Variants in DDB1 observed in about 807,000 individuals in gnomAD.
The protein encoded by DDB1 is DNA damage-binding protein 1.
In DDB1, 18 loss-of-function variants were observed where a neutral mutation model predicts 133.1. That is an observed-to-expected ratio of 0.14 (90% CI 0.09 to 0.20). The LOEUF is 0.20. DDB1 is among the 10% of genes least tolerant of loss of function. The probability of loss-of-function intolerance (pLI) is 1.00; values close to 1 mark genes in which losing one functional copy is unlikely to be tolerated. For synonymous variants in DDB1, 580 were observed against 550.5 expected (o/e 1.05, Z -0.75); for missense variants, 828 against 1,459.2 (o/e 0.57, Z 7.05).
At chr11:61,304,796 C>T (rs769010339) in intron 21 of DDB1, among the ~76,000 whole-genome samples, 14 of 149,270 alleles carry the variant, frequency 9.4e-5, no homozygotes, top group Non-Finnish European at 1.6e-4. Context: ...GAGAATGGTG[C>T]GAATCTGGGA....
chr11:61,309,666 G>A, intron 20 of DDB1, 130 bp downstream of exon 20: 1 of 907,976 alleles, frequency 1.1e-6, no homozygotes, highest in Non-Finnish European at 1.7e-6. Flanking sequence ...ATAAAGAAGA[G>A]AATAGCTCTT....
At chr11:61,320,766 T>C (rs1251638604) in intron 10 of DDB1, among the ~76,000 whole-genome samples, 2 of 152,248 alleles carry the variant, frequency 1.3e-5, no homozygotes, top group African/African-American at 2.4e-5. Context: ...AATCTGATTA[T>C]GCTGTCCTCA....
rs767547959 is a variant in DDB1 at position 61,321,683 on chromosome 11, A to G, written c.1137T>C (p.Ser379=). 6.2e-7 allele frequency: 1 copy of G among 1,614,226 alleles called. No individual in the cohort carries two copies. Among genetic ancestry groups the G allele is most frequent in the South Asian group, 1.1e-5 (1 of 91,088 alleles). The change falls in exon 10 of 27, where the codon TCT becomes TCC. Residue 379 remains serine (S), a synonymous_variant. Transcript: ENST00000301764. Reference sequence around the variant, plus strand: ...GCAAAGAACCTTCCTTGAAAGCCCCAGAGCAAGTGACCAGCTGCAAGCAGA... The same window carrying G: ...GCAAAGAACCTTCCTTGAAAGCCCCGGAGCAAGTGACCAGCTGCAAGCAGA... ...RQGQGQLVTC[S]GAFKEGSLRI... is the part of the protein sequence containing the mutation.
chr11:61,322,375 A>AC lies in DDB1; in HGVS notation c.1042dup (p.Val348GlyfsTer56), dbSNP rs1262450439. On this transcript the variant is annotated frameshift_variant, in exon 9 of 27. Transcript: ENST00000301764. LOFTEE classifies it high-confidence loss of function. ...TAAGTTGGTAAAGGTTTCCATGGCC[A>AC]CTACATAGGAGCCTTGTTCATTACT... 6.2e-7 allele frequency: 1 copy of AC among 1,614,202 alleles called. No homozygotes were observed. Among genetic ancestry groups the AC allele is most frequent in the East Asian group, 2.2e-5 (1 of 44,892 alleles).
intron 24 of DDB1, 97 bp from the exon 25 acceptor site, chr11:61,302,456 G>T: frequency 6.4e-7 from 1 of 1,560,156 alleles, no homozygotes; most frequent in Non-Finnish European, 8.8e-7. Context: ...CTCAGGGAGG[G>T]CTAATGTGCT....
rs756089166 is a variant in DDB1 at position 61,302,375 on chromosome 11, AGGCAGT to A, written c.3113-22_3113-17del. On this transcript the variant is annotated splice_polypyrimidine_tract_variant and intron_variant, in intron 24 of 26. Coordinates refer to ENST00000301764, the MANE Select transcript of DDB1 (RefSeq NM_001923.5). The stretch of plus-strand genomic sequence containing the variant: ...GTCACCAGCCCTGAAGAAGTGAAGG[AGGCAGT>A]GAGCTGCAGAGAGCTCAACCCCACA... 7.7e-4 allele frequency: 1,239 copies of A among 1,613,038 alleles called. No individual in the cohort carries two copies. The highest frequency in any genetic ancestry group is 9.2e-4 in the Non-Finnish European group (1,090 of 1,178,998).
intron 3 of DDB1, 25 bp from the exon 4 acceptor site, chr11:61,329,609 G>T (rs746997189): frequency 1.3e-6 from 2 of 1,580,350 alleles, no homozygotes; most frequent in East Asian, 4.6e-5. Context: ...CGGGATTAGG[G>T]AAGAACCTCA....
intron 26 of DDB1, 145 bp from the exon 27 acceptor site, chr11:61,300,364 CT>C (rs1219553406): frequency 1.3e-6 from 1 of 784,292 alleles, no homozygotes; most frequent in African/African-American, 1.7e-5. Flanking sequence ...ACGCCTCCCC[CT>C]GGGTGGCACA....
At chr11:61,316,459 A>C (rs1282034000) in intron 11 of DDB1, 33 bp downstream of exon 11, 3 of 1,614,070 alleles carry the variant, frequency 1.9e-6, no homozygotes, top group South Asian at 2.2e-5. Flanking sequence ...CCTTCTCACC[A>C]GCACCTACAG....
chr11:61,307,912 T>A (rs1855902965), intron 21 of DDB1, among the ~76,000 whole-genome samples: 1 of 152,130 alleles, frequency 6.6e-6, no homozygotes, highest in African/African-American at 2.4e-5. Context: ...GTGACTACTC[T>A]TATTCCTCTC....
In DDB1 at chr11:61,323,844, T is replaced by G. The variant is rs965735476; in HGVS notation, c.921+135A>C. ...ATACCTAACTCATTCAACAGTCAAC[T>G]TCCACAGCAGGAACAACAGTTTGTT... On this transcript the variant is annotated intron_variant, in intron 7 of 26. Transcript: ENST00000301764. 1.9e-5 allele frequency: 18 copies of G among 972,170 alleles called. No homozygotes were observed. In the Admixed American group the frequency reaches 3.4e-4, roughly 19 times the overall value. The allele number at this position is 972,170 out of a possible 1,614,324, so 60.2% of individuals were successfully genotyped here.
intron 1 of DDB1, chr11:61,332,439 A>C (rs890558621): frequency 6.5e-6 from 1 of 154,518 alleles, no homozygotes; most frequent in African/African-American, 2.4e-5. Flanking sequence ...AGCCCCAGGC[A>C]AAGGGGTTAG....
intron 22 of DDB1, 44 bp from the exon 23 acceptor site, chr11:61,303,199 T>A (rs772912137): frequency 2.5e-5 from 40 of 1,573,430 alleles, no homozygotes; most frequent in Non-Finnish European, 3.4e-5. Flanking sequence ...ATCAGCAGTT[T>A]GCACGGAATC....
chr11:61,302,556 G>A (rs766393932), intron 24 of DDB1, 26 bp downstream of exon 24: 40 of 1,612,964 alleles, frequency 2.5e-5, no homozygotes, highest in Admixed American at 1.0e-4. Flanking sequence ...CCTGTGTGGG[G>A]GTGTGCCCCA....
chr11:61,302,432 G>A (rs1855813238), intron 24 of DDB1, 73 bp from the exon 25 acceptor site: 2 of 1,578,256 alleles, frequency 1.3e-6, no homozygotes, highest in African/African-American at 1.3e-5. Context: ...GTAAAGGGCA[G>A]CCCAGGTGAG....
chr11:61,325,230 T>C (rs7107608), intron 6 of DDB1, among the ~76,000 whole-genome samples: 23,796 of 151,950 alleles, frequency 0.16, 5,559 homozygotes, highest in African/African-American at 0.51. Context: ...CCTAGCTACT[T>C]GGGAGGTTGA....
At chr11:61,332,825 G>A (rs1164452089) in intron 1 of DDB1, 83 bp downstream of exon 1, 3 of 1,263,766 alleles carry the variant, frequency 2.4e-6, no homozygotes, top group Non-Finnish European at 3.1e-6. Context: ...CTGCCCGGCC[G>A]CCCCCGGGGC....
In DDB1 at chr11:61,332,843, C is replaced by T. The variant is rs1356650911; in HGVS notation, c.61+65G>A. On this transcript the variant is annotated intron_variant, in intron 1 of 26. Transcript: ENST00000301764. The stretch of plus-strand genomic sequence containing the variant: ...CCCGGCCGCCCCCGGGGCGGCGGGC[C>T]TCCCTAGGCCGCGGCTCCCCCCAAC... 1.3e-5 allele frequency: 18 copies of T among 1,336,858 alleles called. No homozygotes were observed. In the East Asian group the frequency reaches 5.2e-4, roughly 38 times the overall value. The allele number at this position is 1,336,858 out of a possible 1,614,324, so 82.8% of individuals were successfully genotyped here.
At chr11:61,316,605 A>G in intron 10 of DDB1, 38 bp from the exon 11 acceptor site, 1 of 1,605,490 alleles carries the variant, frequency 6.2e-7, no homozygotes, top group Non-Finnish European at 8.5e-7. Context: ...CATAGGACAG[A>G]CCAACACTTA....
Sources: gnomAD v4.1 joint callset for allele counts (sites outside exome capture counted in the v4.1 genomes callset) on GRCh38, gnomAD v4.1.1 for gene constraint, MANE v1.5 for transcripts, NCBI Gene and HGNC (gene_info 2026-07-23, HGNC 2026-07-21) for gene names.